The following SUN3 variants were observed in gnomAD, a reference collection of about 807,000 sequenced individuals.
SUN3 encodes SUN domain-containing protein 3.
A neutral mutation model predicts 48.2 loss-of-function variants in SUN3; 36 were observed. The observed-to-expected ratio is 0.75, with a 90% CI of 0.57 to 0.99. The LOEUF is 0.99. SUN3 is among the 50% of genes least tolerant of loss of function. The probability of loss-of-function intolerance (pLI) is 0.00; values close to 1 mark genes in which losing one functional copy is unlikely to be tolerated. For synonymous variants in SUN3, 148 were observed against 147.9 expected (o/e 1.00, Z 0.00); for missense variants, 419 against 433.1 (o/e 0.97, Z 0.29).
intron 6 of SUN3, among the ~76,000 whole-genome samples, chr7:48,004,687 A>T (rs1208284197): frequency 6.6e-6 from 1 of 152,246 alleles, no homozygotes; most frequent in Non-Finnish European, 1.5e-5. Flanking sequence ...GATTTTGGCT[A>T]GAAAAATTGG....
At chr7:48,007,075 A>C (rs1789542564) in intron 5 of SUN3, 90 bp downstream of exon 5, 2 of 1,301,260 alleles carry the variant, frequency 1.5e-6, no homozygotes, top group Admixed American at 4.8e-5. Flanking sequence ...CAGATGTGAC[A>C]TCGGAAGGAC....
chr7:47,996,824 A>G (rs1348153649), intron 6 of SUN3, among the ~76,000 whole-genome samples: 125 of 134,762 alleles, frequency 9.3e-4, no homozygotes, highest in African/African-American at 3.4e-3. Context: ...TTTTTTTGAG[A>G]CGGTGTCTCA....
Position 48,029,086 on chromosome 7 carries a change from G to T in SUN3, c.-148C>A. On this transcript the variant is annotated 5_prime_UTR_variant, in exon 1 of 10. Transcript: ENST00000297325. ...TCCTCCACGGGTGTTTCTTCTTGAA[G>T]ACGGAATTTTGAAAAGCTTCTGATT... The T allele has an allele frequency of 8.4e-7, 1 of 1,192,884 alleles. No homozygotes were observed. Among genetic ancestry groups the T allele is most frequent in the Non-Finnish European group, 1.2e-6 (1 of 864,464 alleles). The allele number at this position is 1,192,884 out of a possible 1,614,324, so 73.9% of individuals were successfully genotyped here. A position where few individuals can be genotyped will look rare whatever the true frequency, so the allele number is the denominator to read the frequency against.
intron 7 of SUN3, among the ~76,000 whole-genome samples, chr7:47,995,474 A>G (rs1246928317): frequency 6.6e-6 from 1 of 152,184 alleles, no homozygotes; most frequent in African/African-American, 2.4e-5. Context: ...TACCCCTGAA[A>G]GTTCTAAATT....
intron 8 of SUN3, among the ~76,000 whole-genome samples, chr7:47,990,008 T>A (rs572719697): frequency 6.6e-6 from 1 of 152,270 alleles, no homozygotes; most frequent in South Asian, 2.1e-4. Flanking sequence ...CCAGGTATTG[T>A]CCAAGGTTTC....
rs896521238 is a variant in SUN3, at chr7:48,010,067, G to A, written c.289-992C>T. Among the ~76,000 whole-genome samples the A allele has an allele frequency of 5.9e-5, 9 of 152,058 alleles. No homozygotes were observed. In the East Asian group the frequency reaches 1.2e-3, roughly 20 times the overall value. ...CTCCAAAGCCCTGCACTCTCTTCCC[G>A]TCTGTCTTTACCCAGCATGAGACAC... On this transcript the variant is annotated intron_variant, in intron 3 of 9. Coordinates refer to ENST00000297325, the MANE Select transcript of SUN3 (RefSeq NM_001030019.2).
the SUN3 span, among the ~76,000 whole-genome samples, chr7:48,034,169 A>G: frequency 6.6e-6 from 1 of 152,246 alleles, no homozygotes; most frequent in Non-Finnish European, 1.5e-5. Context: ...AAGAGCGTGT[A>G]TATGCAGTGG....
intron 1 of SUN3, among the ~76,000 whole-genome samples, chr7:48,026,387 C>A (rs1317147529): frequency 2.6e-5 from 4 of 152,064 alleles, no homozygotes; most frequent in Non-Finnish European, 5.9e-5. Flanking sequence ...TGATAAAATT[C>A]TTTAAAGCCA....
In SUN3 at chr7:48,001,522, G is replaced by GTTTTTTTT. The variant is rs1286421253; in HGVS notation, c.577+4439_577+4446dup. On this transcript the variant is annotated intron_variant, in intron 6 of 9. Transcript: ENST00000297325. ...TTTAGGTTGGTTCCATGTCTTTTCT[G>GTTTTTTTT]TTTTTTTTGTTTTTTTTTTTTTTTT... Among the ~76,000 whole-genome samples, 92 of 121,908 alleles carry GTTTTTTTT rather than the reference G, an allele frequency of 7.5e-4. 8 individuals carry two copies. Among genetic ancestry groups the GTTTTTTTT allele is most frequent in the African/African-American group, 1.2e-3 (37 of 31,574 alleles). The allele number at this position is 121,908 out of a possible 152,430, so 80.0% of individuals were successfully genotyped here. A position where few individuals can be genotyped will look rare whatever the true frequency, so the allele number is the denominator to read the frequency against.
upstream of SUN3, among the ~76,000 whole-genome samples, chr7:48,032,074 A>G (rs1038973307): frequency 6.6e-6 from 1 of 152,230 alleles, no homozygotes; most frequent in Non-Finnish European, 1.5e-5. Context: ...AGAAGCAAAG[A>G]GTAGAATGGG....
chr7:48,022,327 AAG>A lies in SUN3; in HGVS notation c.184+3548_184+3549del, dbSNP rs1374695429. Among the ~76,000 whole-genome samples the A allele has an allele frequency of 7.2e-5, 11 of 152,248 alleles. 1 individual carries two copies. In the South Asian group the frequency reaches 2.3e-3, roughly 32 times the overall value. Reference sequence around the variant, plus strand: ...ATGGTTAATAGGTACAAAAAATAGAAAGAATAAATAAGACGTACTATTTGACA... The same window carrying A: ...ATGGTTAATAGGTACAAAAAATAGAAAATAAATAAGACGTACTATTTGACA... On this transcript the variant is annotated intron_variant, in intron 2 of 9. Coordinates refer to ENST00000297325, the MANE Select transcript of SUN3 (RefSeq NM_001030019.2).
intron 2 of SUN3, among the ~76,000 whole-genome samples, chr7:48,022,203 G>A (rs1029909420): frequency 4.6e-5 from 7 of 151,996 alleles, no homozygotes; most frequent in African/African-American, 1.7e-4. Flanking sequence ...ATTATTTGTG[G>A]GAGCTAAAAA....
chr7:48,025,813 C>A, intron 2 of SUN3, 64 bp downstream of exon 2: 1 of 1,124,592 alleles, frequency 8.9e-7, no homozygotes. Flanking sequence ...CCGTTGAGAT[C>A]TCTCTCACCA....
chr7:48,002,554 C>G (rs1045596164), intron 6 of SUN3, among the ~76,000 whole-genome samples: 1 of 152,072 alleles, frequency 6.6e-6, no homozygotes, highest in Non-Finnish European at 1.5e-5. Context: ...TGTTCATGTC[C>G]TTTGCCCACT....
chr7:47,993,688 A>G lies in SUN3; in HGVS notation c.861+627T>C, dbSNP rs186136228. ...CTAGGGGAATAGGAGGTGACGGCTA[A>G]GGGGTATGGGGTTTCTTTTTAGGGT... On this transcript the variant is annotated intron_variant, in intron 8 of 9. Transcript: ENST00000297325. 7.2e-5 allele frequency among the ~76,000 whole-genome samples: 11 copies of G among 152,258 alleles called. No homozygotes were observed. The East Asian group carries it at 2.1e-3, about 29-fold the overall frequency.
chr7:47,990,686 A>C (rs1789033387), intron 8 of SUN3, among the ~76,000 whole-genome samples: 1 of 152,050 alleles, frequency 6.6e-6, no homozygotes, highest in African/African-American at 2.4e-5. Flanking sequence ...AGCTTAAGAC[A>C]GGAGTGCTAG....
At chr7:47,990,356 T>C (rs1434878046) in intron 8 of SUN3, among the ~76,000 whole-genome samples, 2 of 152,022 alleles carry the variant, frequency 1.3e-5, no homozygotes, top group South Asian at 4.2e-4. Flanking sequence ...TACCTTATGA[T>C]GCAGAGACAT....
intron 8 of SUN3, among the ~76,000 whole-genome samples, chr7:47,991,202 T>C (rs1789050196): frequency 6.6e-6 from 1 of 152,212 alleles, no homozygotes; most frequent in Non-Finnish European, 1.5e-5. Context: ...CAGGAGCAGA[T>C]ACTGCGCCCA....
Position 48,006,241 on chromosome 7 carries a change from A to C in SUN3, c.493-188T>G, listed in dbSNP as rs111648537. Among the ~76,000 whole-genome samples, 451 of 152,170 alleles carry C rather than the reference A, an allele frequency of 3.0e-3. 6 individuals are homozygous for C. The highest frequency in any genetic ancestry group is 0.01 in the African/African-American group (420 of 41,518). On this transcript the variant is annotated intron_variant, in intron 5 of 9. Coordinates refer to ENST00000297325, the MANE Select transcript of SUN3 (RefSeq NM_001030019.2). ...CACCTTCACAGCTCTTGGGAGTGTC[A>C]TTTTCAGGAATACGGTGTAAATAAA...
Sources: allele counts gnomAD v4.1 joint callset (sites outside exome capture counted in the v4.1 genomes callset), GRCh38; gene constraint gnomAD v4.1.1; transcripts MANE v1.5; gene names NCBI Gene and HGNC (gene_info 2026-07-23, HGNC 2026-07-21).